Variants in PCDHGA8 observed in about 807,000 individuals in gnomAD.
The protein encoded by PCDHGA8 is protocadherin gamma subfamily A, 8.
PCDHGA8 carries 45 observed loss-of-function variants against 59.2 expected under a neutral mutation model. That is an observed-to-expected ratio of 0.76 (90% CI 0.60 to 0.98). The LOEUF is 0.98. Among genes scored for constraint, PCDHGA8 ranks in the 50% least tolerant of loss-of-function variants. PCDHGA8 has a pLI of 0.00. For missense variants in PCDHGA8, 1,257 were observed against 1,196.2 expected, an observed-to-expected ratio of 1.05 and a Z score of -0.75; for synonymous variants, 531 against 519.0, an observed-to-expected ratio of 1.02 and a Z score of -0.32.
chr5:141,493,141 C>T lies in PCDHGA8; in HGVS notation c.2425-1666C>T, dbSNP rs1327581425. On this transcript the variant is annotated intron_variant, in intron 1 of 3. Coordinates refer to ENST00000398604, the MANE Select transcript of PCDHGA8 (RefSeq NM_032088.2). This position sits in a 1 kb window ranked among gnomAD's most constrained non-coding sequence, Gnocchi z 4.3. ...CTCCTAGGACTGTATTTTGAAACAC[C>T]CCCAGGTGATTTTGATAGCTGATTG... Among the ~76,000 whole-genome samples the T allele has an allele frequency of 1.4e-5, 2 of 146,284 alleles. No homozygotes were observed. Among genetic ancestry groups the T allele is most frequent in the East Asian group, 2.0e-4 (1 of 5,022 alleles).
At chr5:141,408,856 G>A (rs750037212) in intron 1 of PCDHGA8, 1 of 1,613,518 alleles carries the variant, frequency 6.2e-7, no homozygotes, top group Non-Finnish European at 8.5e-7. Flanking sequence ...TGGACGGAGG[G>A]GACCCACCAA....
At chr5:141,399,816 G>T (rs1399321740) in intron 1 of PCDHGA8, 1 of 1,613,196 alleles carries the variant, frequency 6.2e-7, no homozygotes, top group Non-Finnish European at 8.5e-7. Flanking sequence ...ACCCCGCGCT[G>T]GGTCCCGACG....
intron 2 of PCDHGA8, among the ~76,000 whole-genome samples, chr5:141,505,146 A>G (rs2099844101): frequency 6.6e-6 from 1 of 152,190 alleles, no homozygotes; most frequent in Non-Finnish European, 1.5e-5. Flanking sequence ...TGGATGACAG[A>G]GTAAGACCCT....
At chr5:141,503,116 A>G (rs1303445673) in intron 2 of PCDHGA8, among the ~76,000 whole-genome samples, 11 of 151,656 alleles carry the variant, frequency 7.3e-5, no homozygotes, top group Admixed American at 4.6e-4. Flanking sequence ...GCCTCTCTTC[A>G]TACCCTCTGG....
rs561548499 is a variant in PCDHGA8, at chr5:141,414,930, C to T, written c.2424+19693C>T. On this transcript the variant is annotated intron_variant, in intron 1 of 3. Coordinates refer to ENST00000398604, the MANE Select transcript of PCDHGA8 (RefSeq NM_032088.2). ...CAGGCGTGGAGCTGGCGCCCCGCTC[C>T]GCAGAGCCCGGCTACCTGGTGACCA... 1.9e-6 allele frequency: 3 copies of T among 1,614,156 alleles called. No homozygotes were observed. The South Asian group carries it at 3.3e-5, about 18-fold the overall frequency.
chr5:141,481,913 CAAAAAAAA>C (rs34114744), intron 1 of PCDHGA8, among the ~76,000 whole-genome samples: 1 of 90,852 alleles, frequency 1.1e-5, no homozygotes, highest in African/African-American at 4.2e-5. Flanking sequence ...AACTCCATCT[CAAAAAAAA>C]AAAAAAAAAA....
chr5:141,511,419 G>A lies in PCDHGA8; in HGVS notation c.*246G>A, dbSNP rs1437533706. On this transcript the variant is annotated 3_prime_UTR_variant, in exon 4 of 4. Coordinates refer to ENST00000398604, the MANE Select transcript of PCDHGA8 (RefSeq NM_032088.2). Reference sequence around the variant, plus strand: ...ATCCAATCAACTGCTGTACCCATGGGGGTAGTGGGGTTACTGTAGACACCA... The same window carrying A: ...ATCCAATCAACTGCTGTACCCATGGAGGTAGTGGGGTTACTGTAGACACCA... 1.2e-6 allele frequency: 1 copy of A among 830,454 alleles called. No individual in the cohort carries two copies. The highest frequency in any genetic ancestry group is 1.7e-5 in the African/African-American group (1 of 58,076). 51.4% of individuals were successfully genotyped at this position (830,454 alleles called of 1,614,324 possible).
chr5:141,399,972 G>A, intron 1 of PCDHGA8: 1 of 1,612,256 alleles, frequency 6.2e-7, no homozygotes. Flanking sequence ...TCTTCAGCCT[G>A]GGGCTGCGCA....
At chr5:141,422,989 C>T (rs777558098) in intron 1 of PCDHGA8, 1 of 1,614,232 alleles carries the variant, frequency 6.2e-7, no homozygotes, top group African/African-American at 1.3e-5. Flanking sequence ...ACCTGGCTAC[C>T]TGGTGACCAA....
intron 1 of PCDHGA8, chr5:141,413,940 TC>T (rs1190444840): frequency 1.2e-6 from 2 of 1,613,390 alleles, no homozygotes; most frequent in East Asian, 2.2e-5. Context: ...GAGTGAGTGT[TC>T]CTGAGAATTT....
In PCDHGA8 at chr5:141,431,814, T is replaced by C. The variant is rs1300319049; in HGVS notation, c.2424+36577T>C. 1 of 1,614,246 alleles carries C rather than the reference T, an allele frequency of 6.2e-7. No homozygotes were observed. Among genetic ancestry groups the C allele is most frequent in the Non-Finnish European group, 8.5e-7 (1 of 1,180,044 alleles). ...GCCCCAGAAGTGGTCCTCACCTCTC[T>C]CGCCAGCTCGGTTCCCGAAAACTCT... On this transcript the variant is annotated intron_variant, in intron 1 of 3. Coordinates refer to ENST00000398604, the MANE Select transcript of PCDHGA8 (RefSeq NM_032088.2). The surrounding 1 kb of genome is among the most constrained non-coding windows in gnomAD (Gnocchi z 4.8).
At position 141,432,957 on chromosome 5, in the gene PCDHGA8, C is replaced by T. The variant is rs2097553676; in HGVS notation, c.2424+37720C>T. 1 of 1,614,190 alleles carries T rather than the reference C, an allele frequency of 6.2e-7. No individual in the cohort carries two copies. The highest frequency in any genetic ancestry group is 8.5e-7 in the Non-Finnish European group (1 of 1,180,030). ...CTGCAGGCTTCAGGAGGCGGCTTGA[C>T]AGGAGCGCCGGCGTCGCACTTTGTG... On this transcript the variant is annotated intron_variant, in intron 1 of 3. Coordinates refer to ENST00000398604, the MANE Select transcript of PCDHGA8 (RefSeq NM_032088.2). This position sits in a 1 kb window ranked among gnomAD's most constrained non-coding sequence, Gnocchi z 6.0.
At chr5:141,466,864 C>G (rs925681539) in intron 1 of PCDHGA8, among the ~76,000 whole-genome samples, 24 of 151,910 alleles carry the variant, frequency 1.6e-4, no homozygotes, top group African/African-American at 5.3e-4. Flanking sequence ...TTTTGAAATC[C>G]ACACATTTTT....
chr5:141,414,412 G>A, intron 1 of PCDHGA8: 1 of 1,613,832 alleles, frequency 6.2e-7, no homozygotes, highest in South Asian at 1.1e-5. Flanking sequence ...GATACACAGA[G>A]CCCTTGACAG....
At chr5:141,408,308 T>C in intron 1 of PCDHGA8, 1 of 1,613,744 alleles carries the variant, frequency 6.2e-7, no homozygotes, top group South Asian at 1.1e-5. Flanking sequence ...GATCCGCTAC[T>C]CGATTCCGGA....
At chr5:141,439,496 G>A (rs1166315364) in intron 1 of PCDHGA8, among the ~76,000 whole-genome samples, 2 of 152,152 alleles carry the variant, frequency 1.3e-5, no homozygotes, top group Non-Finnish European at 2.9e-5. Context: ...AGTGAGAAAC[G>A]TCTTTCTCTC....
chr5:141,494,386 T>G (rs2099753905), intron 1 of PCDHGA8, among the ~76,000 whole-genome samples: 1 of 152,198 alleles, frequency 6.6e-6, no homozygotes, highest in African/African-American at 2.4e-5. Context: ...GCTGAGGAGT[T>G]GAATAAATTC....
intron 1 of PCDHGA8, among the ~76,000 whole-genome samples, chr5:141,448,796 T>G (rs1268643310): frequency 1.0e-4 from 15 of 150,106 alleles, no homozygotes; most frequent in Admixed American, 4.0e-4. Context: ...AAAAAAAAAA[T>G]TAGCCAGGCG....
At chr5:141,405,301 G>C (rs369812265) in intron 1 of PCDHGA8, 2 of 1,614,082 alleles carry the variant, frequency 1.2e-6, no homozygotes, top group African/African-American at 2.7e-5. Context: ...TCAGCCAGCA[G>C]AGCTGTGAGA....
Sources: gnomAD v4.1 joint callset for allele counts (sites outside exome capture counted in the v4.1 genomes callset) on GRCh38, gnomAD v4.1.1 for gene constraint, Gnocchi (gnomAD v3.1) non-coding constraint, MANE v1.5 for transcripts, NCBI Gene and HGNC (gene_info 2026-07-23, HGNC 2026-07-21) for gene names.